BACH1: variants seen among roughly 807,000 people sequenced by gnomAD.
BACH1 encodes the protein transcription regulator protein BACH1.
A neutral mutation model predicts 52.9 loss-of-function variants in BACH1; 35 were observed. The observed-to-expected ratio is 0.66, with a 90% CI of 0.51 to 0.88. BACH1 has a LOEUF of 0.88. Ranked by LOEUF, BACH1 falls within the 40% of genes least tolerant of loss-of-function variation. The pLI is 0.00. For synonymous variants in BACH1, 321 were observed against 319.6 expected (o/e 1.00, Z -0.05); for missense variants, 808 against 872.6 (o/e 0.93, Z 0.93).
chr21:29,307,888 T>C (rs1569007312), intron 1 of BACH1, among the ~76,000 whole-genome samples: 1 of 152,190 alleles, frequency 6.6e-6, no homozygotes, highest in Non-Finnish European at 1.5e-5. Context: ...AACACTTGAG[T>C]GTTGTAAATT....
chr21:29,358,263 C>T (rs1010780848), intron 2 of BACH1, among the ~76,000 whole-genome samples: 6 of 152,210 alleles, frequency 3.9e-5, no homozygotes, highest in African/African-American at 1.4e-4. Flanking sequence ...AATCTTTACA[C>T]ATTTGACAAT....
intron 2 of BACH1, chr21:29,361,310 T>C (rs1040609332): frequency 6.6e-6 from 1 of 152,186 alleles, no homozygotes; most frequent in Non-Finnish European, 1.5e-5. Flanking sequence ...CCAACAATAA[T>C]TGGGTTAAGG....
At chr21:29,336,699 C>T (rs1275228226) in intron 4 of BACH1, among the ~76,000 whole-genome samples, 1 of 151,864 alleles carries the variant, frequency 6.6e-6, no homozygotes, top group African/African-American at 2.4e-5. Flanking sequence ...GAGTCTCACT[C>T]TGTTGCCTAG....
At chr21:29,335,335 G>A (rs1240753823) in intron 4 of BACH1, among the ~76,000 whole-genome samples, 1 of 152,188 alleles carries the variant, frequency 6.6e-6, no homozygotes, top group Admixed American at 6.5e-5. Context: ...TGCCCAGCAC[G>A]TGTTCAGGGC....
At chr21:29,316,266 A>G (rs1203621352) in intron 1 of BACH1, among the ~76,000 whole-genome samples, 1 of 152,188 alleles carries the variant, frequency 6.6e-6, no homozygotes, top group Non-Finnish European at 1.5e-5. Context: ...TTTGAAAGCA[A>G]AAATGTCAAG....
intron 2 of BACH1, 53 bp from the exon 3 acceptor site, chr21:29,326,006 T>G: frequency 6.7e-7 from 1 of 1,491,554 alleles, no homozygotes; most frequent in East Asian, 2.3e-5. Flanking sequence ...TTTGTTTTTA[T>G]GTACTAGACA....
intron 2 of BACH1, among the ~76,000 whole-genome samples, chr21:29,323,871 A>G (rs527787786): frequency 1.3e-5 from 2 of 152,264 alleles, no homozygotes; most frequent in East Asian, 3.9e-4. Context: ...TCAGATTGCC[A>G]CAATTTTGCT....
At chr21:29,353,147 G>A (rs1002723387) in intron 2 of BACH1, among the ~76,000 whole-genome samples, 2 of 152,168 alleles carry the variant, frequency 1.3e-5, no homozygotes, top group Admixed American at 6.5e-5. Context: ...GTGCCTGGCC[G>A]GTTACAGTTT....
intron 2 of BACH1, among the ~76,000 whole-genome samples, chr21:29,321,956 A>G (rs2088853211): frequency 6.6e-6 from 1 of 152,202 alleles, no homozygotes; most frequent in African/African-American, 2.4e-5. Context: ...AAGAAGTTTA[A>G]TCGGCTCACA....
intron 4 of BACH1, among the ~76,000 whole-genome samples, chr21:29,331,151 A>G (rs773591238): frequency 3.3e-5 from 5 of 152,204 alleles, no homozygotes; most frequent in Non-Finnish European, 5.9e-5. Flanking sequence ...TAGAAGGAGT[A>G]TAGCATTTTG....
At chr21:29,358,555 C>CA (rs1337305242) in intron 2 of BACH1, among the ~76,000 whole-genome samples, 1 of 152,048 alleles carries the variant, frequency 6.6e-6, no homozygotes, top group African/African-American at 2.4e-5. Context: ...GCCTGGCCAA[C>CA]ATGGTGAAAC....
intron 4 of BACH1, among the ~76,000 whole-genome samples, chr21:29,331,087 A>G (rs1601359454): frequency 1.3e-5 from 2 of 152,172 alleles, no homozygotes; most frequent in Admixed American, 1.3e-4. Flanking sequence ...AATACCTTTA[A>G]TAAACACTGG....
At chr21:29,329,824 A>C in intron 4 of BACH1, 131 bp downstream of exon 4, 2 of 687,726 alleles carry the variant, frequency 2.9e-6, no homozygotes, top group South Asian at 6.8e-5. Context: ...TTACCATTTT[A>C]TCATTTTTAC....
chr21:29,303,368 C>T (rs1261129468), intron 1 of BACH1, among the ~76,000 whole-genome samples: 2 of 152,154 alleles, frequency 1.3e-5, no homozygotes, highest in Non-Finnish European at 2.9e-5. Context: ...TCTGTTTTAT[C>T]TCCTATGGCA....
intron 1 of BACH1, among the ~76,000 whole-genome samples, chr21:29,302,673 G>T (rs2088616539): frequency 6.6e-6 from 1 of 152,228 alleles, no homozygotes; most frequent in Admixed American, 6.5e-5. Flanking sequence ...AGCTTTATAA[G>T]AAACATCAAG....
rs1179321766 is a variant in BACH1, at chr21:29,301,438, G to A, written c.-61+2485G>A. Among the ~76,000 whole-genome samples the A allele has an allele frequency of 2.0e-5, 3 of 152,144 alleles. No individual in the cohort carries two copies. In the South Asian group the frequency reaches 6.2e-4, roughly 32 times the overall value. ...GGAATGCTTTTTCTTTTAACTTACG[G>A]TTTCCTCCTAAGAGTTCTTTCAGAC... On this transcript the variant is annotated intron_variant, in intron 1 of 4. Transcript: ENST00000286800.
At chr21:29,341,047 A>G (rs192435378) in intron 4 of BACH1, among the ~76,000 whole-genome samples, 95 of 152,112 alleles carry the variant, frequency 6.2e-4, no homozygotes, top group Admixed American at 1.4e-3. Context: ...AAAATTTAGT[A>G]TTTTGTATTT....
chr21:29,334,001 A>G (rs1322270514), intron 4 of BACH1, among the ~76,000 whole-genome samples: 5 of 152,352 alleles, frequency 3.3e-5, no homozygotes, highest in African/African-American at 9.6e-5. Context: ...ATAGTATGTT[A>G]GAGGTTAAGC....
chr21:29,327,307 G>T lies in BACH1; in HGVS notation c.1483G>T (p.Ala495Ser). ...ACCCCAGCAAGAACCTTGCCCATAT[G>T]CTTGTGTCATTAGCTTGGGAGACGA... is the stretch of plus-strand genomic sequence containing the variant. ...SEPQQEPCPY[A>S]CVISLGDDSE... Residue 495 changes from alanine to serine, a missense_variant, in exon 3 of 5, where the codon GCT becomes TCT. Transcript: ENST00000286800. 1.2e-6 allele frequency: 2 copies of T among 1,614,190 alleles called. No individual in the cohort carries two copies. Among genetic ancestry groups the T allele is most frequent in the Non-Finnish European group, 1.7e-6 (2 of 1,180,040 alleles).
Sources: allele counts gnomAD v4.1 joint callset (sites outside exome capture counted in the v4.1 genomes callset), GRCh38; gene constraint gnomAD v4.1.1; transcripts MANE v1.5; gene names NCBI Gene and HGNC (gene_info 2026-07-23, HGNC 2026-07-21).